The following MYO16 variants were observed in gnomAD, a reference collection of about 807,000 sequenced individuals.
MYO16 encodes unconventional myosin-XVI.
A neutral mutation model predicts 205.3 loss-of-function variants in MYO16; 94 were observed. That is an observed-to-expected ratio of 0.46 (90% CI 0.39 to 0.54). MYO16 has a LOEUF of 0.54. MYO16 is among the 20% of genes least tolerant of loss of function. The pLI is 0.00. For synonymous variants in MYO16, 988 were observed against 954.0 expected, an observed-to-expected ratio of 1.04 and a Z score of -0.66; for missense variants, 2,315 against 2,387.5, an observed-to-expected ratio of 0.97 and a Z score of 0.63.
At chr13:108,838,691 ACACACACACACACACACAC>A (rs1877071904) in intron 9 of MYO16, among the ~76,000 whole-genome samples, 2 of 123,244 alleles carry the variant, frequency 1.6e-5, no homozygotes. Context: ...ATATATATAT[ACACACACACACACACACAC>A]TATACATATA....
chr13:108,588,935 C>A, the MYO16 span, among the ~76,000 whole-genome samples: 2 of 151,608 alleles, frequency 1.3e-5, no homozygotes, highest in East Asian at 3.9e-4. Flanking sequence ...TGTTTTTACT[C>A]TTGATAATAA....
intron 21 of MYO16, among the ~76,000 whole-genome samples, chr13:109,002,373 T>G (rs939723956): frequency 6.6e-6 from 1 of 152,216 alleles, no homozygotes; most frequent in Non-Finnish European, 1.5e-5. Context: ...CTCAAGAAAT[T>G]GTTTGTCATT....
intron 33 of MYO16, chr13:109,166,677 C>G (rs1026853490): frequency 6.6e-6 from 1 of 152,148 alleles, no homozygotes; most frequent in Non-Finnish European, 1.5e-5. Flanking sequence ...CAGTATCTTC[C>G]CAAGAGAAAT....
At chr13:109,014,453 T>A (rs1264896906) in intron 22 of MYO16, among the ~76,000 whole-genome samples, 1 of 152,204 alleles carries the variant, frequency 6.6e-6, no homozygotes, top group Non-Finnish European at 1.5e-5. Context: ...ATGCGGGCTC[T>A]TTTTTGGTTC....
chr13:108,501,013 C>G, the MYO16 span, among the ~76,000 whole-genome samples: 1 of 152,138 alleles, frequency 6.6e-6, no homozygotes, highest in African/African-American at 2.4e-5. Context: ...TTATTCATCC[C>G]CCTGTACACT....
chr13:108,952,784 G>A (rs142147160), intron 16 of MYO16, among the ~76,000 whole-genome samples: 154 of 152,264 alleles, frequency 1.0e-3, no homozygotes, highest in African/African-American at 2.7e-3. Flanking sequence ...AGTGTTCCAA[G>A]TTCCAAAGAG....
upstream of MYO16, chr13:108,629,533 A>G (rs1011005022): frequency 1.3e-5 from 4 of 296,490 alleles, no homozygotes; most frequent in African/African-American, 2.1e-5. Context: ...CTGCATGTGA[A>G]CACCAATTAG....
At chr13:109,199,256 G>C (rs1395408728) in intron 34 of MYO16, among the ~76,000 whole-genome samples, 1 of 94,274 alleles carries the variant, frequency 1.1e-5, no homozygotes, top group Non-Finnish European at 2.1e-5. Context: ...ATTTTGCCTC[G>C]CTCCATCTCT....
intron 4 of MYO16, among the ~76,000 whole-genome samples, chr13:108,783,382 G>A (rs1462444172): frequency 6.6e-6 from 1 of 152,186 alleles, no homozygotes; most frequent in Non-Finnish European, 1.5e-5. Context: ...CACAATGCCT[G>A]TACCAGCATT....
At chr13:108,919,159 A>T (rs1340391238) in intron 16 of MYO16, among the ~76,000 whole-genome samples, 1 of 152,174 alleles carries the variant, frequency 6.6e-6, no homozygotes, top group Non-Finnish European at 1.5e-5. Flanking sequence ...GTGTATAAAA[A>T]AGAGGTGCCA....
intron 31 of MYO16, among the ~76,000 whole-genome samples, chr13:109,128,654 T>C (rs1876381540): frequency 6.6e-6 from 1 of 151,860 alleles, no homozygotes. Context: ...ATGAACAACA[T>C]GTTGTTTTGA....
chr13:108,921,075 A>G (rs1368188159), intron 16 of MYO16, among the ~76,000 whole-genome samples: 1 of 152,238 alleles, frequency 6.6e-6, no homozygotes, highest in African/African-American at 2.4e-5. Context: ...TGTAGCAAAC[A>G]GCATCACACA....
chr13:109,012,269 G>GA (rs1885627531), intron 22 of MYO16, among the ~76,000 whole-genome samples: 1 of 152,100 alleles, frequency 6.6e-6, no homozygotes, highest in Non-Finnish European at 1.5e-5. Flanking sequence ...GGCCTGTGAG[G>GA]AAAAAGGCTT....
chr13:108,885,089 A>G lies in MYO16; in HGVS notation c.1553+1903A>G, dbSNP rs58195110. ...GGGGCTCCAACCCATTCTAGACTCA[A>G]GGATGAGAAAGGCACCAAGGCAGGG... is the stretch of plus-strand genomic sequence containing the variant. On this transcript the variant is annotated intron_variant, in intron 13 of 34. Transcript: ENST00000457511. Among the ~76,000 whole-genome samples, 3,168 of 152,242 alleles carry G rather than the reference A, an allele frequency of 0.021. 196 individuals carry two copies. The East Asian group carries it at 0.21, about 10-fold the overall frequency.
intron 2 of MYO16, among the ~76,000 whole-genome samples, chr13:108,690,956 C>T (rs1231409599): frequency 6.6e-6 from 1 of 152,174 alleles, no homozygotes; most frequent in Non-Finnish European, 1.5e-5. Context: ...TGTGATGTAA[C>T]TAAGCTTCTT....
chr13:108,938,325 C>G (rs1224678671), intron 16 of MYO16, among the ~76,000 whole-genome samples: 2 of 152,210 alleles, frequency 1.3e-5, no homozygotes, highest in African/African-American at 4.8e-5. Flanking sequence ...GGCTGAATCT[C>G]TCTGTTGCCT....
intron 16 of MYO16, among the ~76,000 whole-genome samples, chr13:108,929,495 TGAA>T (rs1471367588): frequency 1.3e-5 from 2 of 152,268 alleles, no homozygotes; most frequent in African/African-American, 4.8e-5. Flanking sequence ...ACAACTAATT[TGAA>T]GAACAGTGCA....
At chr13:108,625,659 G>C (rs970548352), upstream of MYO16, among the ~76,000 whole-genome samples, 1 of 152,150 alleles carries the variant, frequency 6.6e-6, no homozygotes. Context: ...TTCATCAAAG[G>C]CTAATATTTA....
At chr13:108,712,339 T>C (rs9520975) in intron 2 of MYO16, among the ~76,000 whole-genome samples, 69,066 of 152,118 alleles carry the variant, frequency 0.45, 17,024 homozygotes, top group Non-Finnish European at 0.57. Flanking sequence ...GTGAAGTAAT[T>C]TCTATCATTT....
Sources: gnomAD v4.1 joint callset for allele counts (sites outside exome capture counted in the v4.1 genomes callset) on GRCh38, gnomAD v4.1.1 for gene constraint, MANE v1.5 for transcripts, NCBI Gene and HGNC (gene_info 2026-07-23, HGNC 2026-07-21) for gene names.